Variants in ATAD1 observed in about 807,000 individuals in gnomAD.
The protein encoded by ATAD1 is outer mitochondrial transmembrane helix translocase.
Under a neutral mutation model 42.7 loss-of-function variants are expected in ATAD1, and 18 were observed. The ratio of observed to expected loss-of-function variants is 0.42; its 90% CI spans 0.29 to 0.63. The LOEUF (loss-of-function observed/expected upper bound fraction) is 0.63, where lower values mean the gene tolerates loss of function less well. Ranked by LOEUF, ATAD1 falls within the 20% of genes least tolerant of loss-of-function variation. The probability of loss-of-function intolerance (pLI) is 0.19; values close to 1 mark genes in which losing one functional copy is unlikely to be tolerated. For missense variants in ATAD1, 294 were observed against 440.4 expected, an observed-to-expected ratio of 0.67 and a Z score of 2.98; for synonymous variants, 132 against 143.1, an observed-to-expected ratio of 0.92 and a Z score of 0.55.
In ATAD1 at chr10:87,814,615, T is replaced by C. The variant is rs762033240; in HGVS notation, c.-13-3A>G. The C allele has an allele frequency of 6.3e-7, 1 of 1,580,658 alleles. No individual in the cohort carries two copies. Among genetic ancestry groups the C allele is most frequent in the South Asian group, 1.2e-5 (1 of 85,268 alleles). On this transcript the variant is annotated splice_polypyrimidine_tract_variant and splice_region_variant and intron_variant, in intron 1 of 9. Transcript: ENST00000680024. Reference sequence around the variant, plus strand: ...CATGTACCATCTTGAATGTTAACCTTAAAAAAACAAACAGAAATGTCACTA... The same window carrying C: ...CATGTACCATCTTGAATGTTAACCTCAAAAAAACAAACAGAAATGTCACTA...
At chr10:87,758,587 G>A (rs1439997720) in intron 8 of ATAD1, among the ~76,000 whole-genome samples, 1 of 151,656 alleles carries the variant, frequency 6.6e-6, no homozygotes, top group Admixed American at 6.6e-5. Flanking sequence ...ATGCTAAAGG[G>A]AAAAAAACAG....
chr10:87,779,446 T>C (rs1271563419), intron 5 of ATAD1, among the ~76,000 whole-genome samples: 1 of 152,066 alleles, frequency 6.6e-6, no homozygotes, highest in Non-Finnish European at 1.5e-5. Flanking sequence ...GTACCCAAAA[T>C]ATAAAAAGAA....
chr10:87,752,841 C>T lies in ATAD1; in HGVS notation c.*1846G>A, dbSNP rs1329473880. On this transcript the variant is annotated 3_prime_UTR_variant, in exon 10 of 10. Transcript: ENST00000680024. ...AAACCACGAAGAAATTGAATAACCACTCCTACTGGATATTGTGAATTTAAG... is the reference window on the plus strand; with the variant it reads ...AAACCACGAAGAAATTGAATAACCATTCCTACTGGATATTGTGAATTTAAG... 1 of 152,112 alleles carries T rather than the reference C, an allele frequency of 6.6e-6. No homozygotes were observed. The highest frequency in any genetic ancestry group is 1.5e-5 in the Non-Finnish European group (1 of 67,994). 9.4% of individuals were successfully genotyped at this position (152,112 alleles called of 1,614,324 possible).
At chr10:87,794,350 C>A (rs945471206) in intron 2 of ATAD1, among the ~76,000 whole-genome samples, 2 of 152,120 alleles carry the variant, frequency 1.3e-5, no homozygotes, top group African/African-American at 4.8e-5. Flanking sequence ...CTTGTAAATA[C>A]CTTCTCTTTT....
chr10:87,819,263 C>CAAAAAAAAAAAAAAAAAAAAAAAAAAAA (rs57941047), upstream of ATAD1: 1 of 53,726 alleles, frequency 1.9e-5, no homozygotes, highest in African/African-American at 7.3e-5. Context: ...ATCGTCTCTA[C>CAAAAAAAAAAAAAAAAAAAAAAAAAAAA]AAAAAAAAAA....
chr10:87,833,465 T>C lies in ATAD1; in HGVS notation c.-14+7722A>G, dbSNP rs1857871438. 5.9e-5 allele frequency among the ~76,000 whole-genome samples: 9 copies of C among 152,192 alleles called. No homozygotes were observed. In the South Asian group the frequency reaches 1.9e-3, roughly 31 times the overall value. On this transcript the variant is annotated intron_variant, in intron 1 of 4. Coordinates refer to the ATAD1 transcript ENST00000495903. ...TTCCCTATCTGTATGTCTTTTATCTTCTTGCCTTATTACACTGAATGAAAT... is the reference window on the plus strand; with the variant it reads ...TTCCCTATCTGTATGTCTTTTATCTCCTTGCCTTATTACACTGAATGAAAT...
intron 9 of ATAD1, among the ~76,000 whole-genome samples, chr10:87,755,430 T>C (rs1854175030): frequency 6.6e-6 from 1 of 152,158 alleles, no homozygotes; most frequent in African/African-American, 2.4e-5. Context: ...AGATTTTTCA[T>C]ACTGAAATAT....
intron 4 of ATAD1, among the ~76,000 whole-genome samples, chr10:87,787,402 G>A (rs1201672074): frequency 2.0e-5 from 3 of 152,104 alleles, no homozygotes; most frequent in South Asian, 2.1e-4. Context: ...GGAGGATAAC[G>A]AGCCCAGGAA....
chr10:87,764,801 C>T (rs1351693956), intron 8 of ATAD1, among the ~76,000 whole-genome samples: 2 of 152,096 alleles, frequency 1.3e-5, no homozygotes, highest in Admixed American at 6.6e-5. Context: ...AACCTAGTTT[C>T]TCCAGTAAAT....
intron 1 of ATAD1, among the ~76,000 whole-genome samples, chr10:87,836,750 T>A (rs1857936973): frequency 1.3e-5 from 2 of 152,204 alleles, no homozygotes; most frequent in South Asian, 4.1e-4. Flanking sequence ...AGTTATTCTT[T>A]CAAATATTTG....
At chr10:87,826,129 C>T (rs1589573992) in intron 1 of ATAD1, among the ~76,000 whole-genome samples, 1 of 150,470 alleles carries the variant, frequency 6.6e-6, no homozygotes, top group Admixed American at 6.7e-5. Flanking sequence ...CTTTTATTGT[C>T]ATTGTTTCTG....
intron 8 of ATAD1, among the ~76,000 whole-genome samples, chr10:87,761,753 C>T (rs1034831749): frequency 2.0e-5 from 3 of 152,004 alleles, no homozygotes; most frequent in Admixed American, 6.6e-5. Context: ...AATTAAGAGA[C>T]ATGTATAATT....
chr10:87,823,853 T>A (rs1044136989), intron 1 of ATAD1, among the ~76,000 whole-genome samples: 1 of 152,208 alleles, frequency 6.6e-6, no homozygotes, highest in Non-Finnish European at 1.5e-5. Context: ...CTTAATATTT[T>A]AAAAATTAAG....
chr10:87,776,499 C>CAAAA, intron 5 of ATAD1, 72 bp from the exon 6 acceptor site: 1 of 1,251,548 alleles, frequency 8.0e-7, no homozygotes, highest in Non-Finnish European at 1.2e-6. Flanking sequence ...GACAGGGTCT[C>CAAAA]ACTCTGTTGC....
intron 7 of ATAD1, among the ~76,000 whole-genome samples, chr10:87,769,897 C>T (rs957921986): frequency 1.3e-5 from 2 of 151,760 alleles, no homozygotes; most frequent in Admixed American, 1.3e-4. Flanking sequence ...GAGCCAAGAT[C>T]GCGTCACTGC....
chr10:87,817,863 C>T, intron 1 of ATAD1: 2 of 985,572 alleles, frequency 2.0e-6, no homozygotes, highest in South Asian at 4.7e-5. Flanking sequence ...ACCTCAAACC[C>T]CCACAGTGAC....
At chr10:87,771,638 C>T (rs957957159) in intron 6 of ATAD1, among the ~76,000 whole-genome samples, 1 of 151,510 alleles carries the variant, frequency 6.6e-6, no homozygotes, top group Non-Finnish European at 1.5e-5. Context: ...CAACTTTAAA[C>T]AAAGATAACA....
chr10:87,766,814 A>T (rs1021824718), intron 8 of ATAD1, among the ~76,000 whole-genome samples: 1 of 152,000 alleles, frequency 6.6e-6, no homozygotes, highest in African/African-American at 2.4e-5. Context: ...CTGCTTCAAA[A>T]AAAAAAGAAA....
chr10:87,773,635 CA>C (rs1008502162), intron 6 of ATAD1, among the ~76,000 whole-genome samples: 2 of 152,048 alleles, frequency 1.3e-5, no homozygotes, highest in Non-Finnish European at 2.9e-5. Context: ...ATAATGAAAA[CA>C]GTAATTGCTA....
Sources: gnomAD v4.1 joint callset for allele counts (sites outside exome capture counted in the v4.1 genomes callset) on GRCh38, gnomAD v4.1.1 for gene constraint, MANE v1.5 for transcripts, NCBI Gene and HGNC (gene_info 2026-07-23, HGNC 2026-07-21) for gene names.